Variants in SLC52A1 observed in about 807,000 individuals in gnomAD.
SLC52A1 encodes the protein solute carrier family 52 member 1.
Under a neutral mutation model 23.2 loss-of-function variants are expected in SLC52A1, and 20 were observed. The observed-to-expected ratio is 0.86, with a 90% CI of 0.61 to 1.25. The LOEUF is 1.25. SLC52A1 is among the 50% of genes most tolerant of loss of function. SLC52A1 has a pLI of 0.00. For synonymous variants in SLC52A1, 260 were observed against 256.6 expected (o/e 1.01, Z -0.13); for missense variants, 528 against 557.0 (o/e 0.95, Z 0.52).
chr17:5,040,727 A>G (rs1975532991), intron 1 of SLC52A1, among the ~76,000 whole-genome samples: 1 of 152,070 alleles, frequency 6.6e-6, no homozygotes, highest in Admixed American at 6.6e-5. Context: ...TTGTGGCCAC[A>G]CAGCCCTAAG....
Position 5,032,927 on chromosome 17 carries a change from G to T in SLC52A1, c.*30C>A, listed in dbSNP as rs1302857593. 3 of 1,586,234 alleles carry T rather than the reference G, an allele frequency of 1.9e-6. No homozygotes were observed. Among genetic ancestry groups the T allele is most frequent in the African/African-American group, 1.3e-5 (1 of 74,362 alleles). Reference sequence around the variant, plus strand: ...GGCAGCCTCACGATGAAGACAGGTGGGGTGGAGTTGGGTCCCCACCTGCCC... The same window carrying T: ...GGCAGCCTCACGATGAAGACAGGTGTGGTGGAGTTGGGTCCCCACCTGCCC... On this transcript the variant is annotated 3_prime_UTR_variant, in exon 5 of 5. Transcript: ENST00000254853.
At chr17:5,039,019 G>A (rs546665884), upstream of SLC52A1, among the ~76,000 whole-genome samples, 24 of 147,240 alleles carry the variant, frequency 1.6e-4, no homozygotes, top group Admixed American at 4.9e-4. Flanking sequence ...ACTGGAAACC[G>A]AGGCACATAA....
In SLC52A1 at chr17:5,034,410, G is replaced by A. The variant is rs1484861655; in HGVS notation, c.131-52C>T. ...AGGAGCACAGTGGCTAAGGGACAAAGAGCTGCCACAGGCCACCTTTCTGGG... is the reference window on the plus strand; with the variant it reads ...AGGAGCACAGTGGCTAAGGGACAAAAAGCTGCCACAGGCCACCTTTCTGGG... On this transcript the variant is annotated intron_variant, in intron 2 of 4. Transcript: ENST00000254853. The A allele has an allele frequency of 1.9e-6, 3 of 1,606,202 alleles. No individual in the cohort carries two copies. The African/African-American group carries it at 4.0e-5, about 21-fold the overall frequency.
Position 5,034,920 on chromosome 17 carries a change from G to A in SLC52A1, c.-167C>T. 1 of 287,504 alleles carries A rather than the reference G, an allele frequency of 3.5e-6. No homozygotes were observed. Among genetic ancestry groups the A allele is most frequent in the Admixed American group, 4.1e-5 (1 of 24,182 alleles). 17.8% of individuals were successfully genotyped at this position (287,504 alleles called of 1,614,324 possible). ...CCCAGCAGTGCCGGCAGGCAGACAGGCAGAAAGCTGGCCCGAGGTGCAGCT... is the reference window on the plus strand; with the variant it reads ...CCCAGCAGTGCCGGCAGGCAGACAGACAGAAAGCTGGCCCGAGGTGCAGCT... On this transcript the variant is annotated 5_prime_UTR_variant, in exon 1 of 5. Coordinates refer to ENST00000254853, the MANE Select transcript of SLC52A1 (RefSeq NM_017986.4).
At chr17:5,038,873 C>G (rs1249813918), upstream of SLC52A1, among the ~76,000 whole-genome samples, 1 of 151,976 alleles carries the variant, frequency 6.6e-6, no homozygotes, top group Non-Finnish European at 1.5e-5. Context: ...CAGGCGTGAG[C>G]CACCGCGCCT....
At chr17:5,035,592 G>A (rs571095494), upstream of SLC52A1, among the ~76,000 whole-genome samples, 8 of 152,334 alleles carry the variant, frequency 5.3e-5, no homozygotes, top group African/African-American at 1.7e-4. Flanking sequence ...GGCAGTCCCC[G>A]GACCCAGCGG....
intron 2 of SLC52A1, 33 bp from the exon 3 acceptor site, chr17:5,034,391 AC>A: frequency 6.3e-7 from 1 of 1,596,106 alleles, no homozygotes; most frequent in Non-Finnish European, 8.5e-7. Flanking sequence ...TGTCAGGAGC[AC>A]AGTGGCTAAG....
rs1240511463 is a variant in SLC52A1 at position 5,034,104 on chromosome 17, T to C, written c.385A>G (p.Asn129Asp). The stretch of plus-strand genomic sequence containing the variant: ...CTCAGGAAGGGCAGGAAAGTGACAT[T>C]AGAGGTACAACAGGCCATTGCCAAC... ...LVLAMACCTS[N>D]VTFLPFLSHL... Residue 129 changes from asparagine (N) to aspartate (D), a missense_variant, in exon 3 of 5, where the codon AAT becomes GAT. Coordinates refer to ENST00000254853, the MANE Select transcript of SLC52A1 (RefSeq NM_017986.4). 1.2e-6 allele frequency: 2 copies of C among 1,613,960 alleles called. No individual in the cohort carries two copies. Among genetic ancestry groups the C allele is most frequent in the South Asian group, 1.1e-5 (1 of 91,062 alleles).
At chr17:5,041,754 C>G (rs1160083225) in intron 1 of SLC52A1, among the ~76,000 whole-genome samples, 1 of 152,116 alleles carries the variant, frequency 6.6e-6, no homozygotes, top group African/African-American at 2.4e-5. Context: ...GCTGGGATTA[C>G]AGGTGTGAGC....
At chr17:5,041,162 T>C (rs977180728) in intron 1 of SLC52A1, among the ~76,000 whole-genome samples, 8 of 152,150 alleles carry the variant, frequency 5.3e-5, no homozygotes, top group African/African-American at 1.7e-4. Flanking sequence ...CATAGCTTGC[T>C]GTAGCCTTGA....
intron 1 of SLC52A1, among the ~76,000 whole-genome samples, chr17:5,042,000 T>G (rs1041257306): frequency 2.6e-5 from 4 of 152,112 alleles, no homozygotes; most frequent in African/African-American, 9.7e-5. Flanking sequence ...CCTCTCAAAG[T>G]GCTGGTATTA....
chr17:5,042,033 G>A (rs1234075004), intron 1 of SLC52A1, among the ~76,000 whole-genome samples: 1 of 152,158 alleles, frequency 6.6e-6, no homozygotes, highest in Non-Finnish European at 1.5e-5. Flanking sequence ...ACCATGCCCA[G>A]CCGTCCAACT....
At chr17:5,035,635 C>T (rs189295466), upstream of SLC52A1, among the ~76,000 whole-genome samples, 754 of 152,326 alleles carry the variant, frequency 4.9e-3, 7 homozygotes, top group African/African-American at 0.014. Context: ...GCCCCCTCCG[C>T]CGGGGAGGCG....
chr17:5,037,245 C>T (rs577946159), upstream of SLC52A1, among the ~76,000 whole-genome samples: 4 of 152,270 alleles, frequency 2.6e-5, no homozygotes, highest in South Asian at 2.1e-4. Context: ...GTAGGCCAGG[C>T]GTGGTGGCTC....
intron 4 of SLC52A1, 23 bp from the exon 5 acceptor site, chr17:5,033,192 A>T: frequency 6.2e-7 from 1 of 1,613,406 alleles, no homozygotes. Context: ...ACACAGCAGC[A>T]GGCTGAGCAT....
At position 5,033,959 on chromosome 17, in the gene SLC52A1, G is replaced by A. The variant is rs548366865; in HGVS notation, c.530C>T (p.Thr177Ile). The A allele has an allele frequency of 3.5e-5, 56 of 1,614,156 alleles. No individual in the cohort carries two copies. The African/African-American group carries it at 6.4e-4, about 18-fold the overall frequency. ...GAGGGGAGGCCCAGAGGTGCCATTG[G>A]TGGGCGCTGGTGGGCACTCGAGGCG... ...VGRLECPPAP[T>I]NGTSGPPLDF... is the part of the protein sequence containing the mutation. The change falls in exon 3 of 5, where the codon ACC becomes ATC. Residue 177 changes from threonine (T) to isoleucine (I), a missense_variant. Coordinates refer to ENST00000254853, the MANE Select transcript of SLC52A1 (RefSeq NM_017986.4).
chr17:5,034,291 G>C lies in SLC52A1; in HGVS notation c.198C>G (p.Thr66=), dbSNP rs781552117. The C allele has an allele frequency of 1.1e-5, 18 of 1,603,614 alleles. No homozygotes were observed. The highest frequency in any genetic ancestry group is 1.0e-4 in the South Asian group (9 of 89,722). Residue 66 remains threonine, a synonymous_variant, in exon 3 of 5, where the codon ACC becomes ACG. Transcript: ENST00000254853. The part of the protein sequence containing the change: ...ALGNLGLLVV[T]LWRQLAPGKG... The stretch of plus-strand genomic sequence containing the variant: ...TGCCCGGGGCCAGCTGCCTCCACAG[G>C]GTCACCACCAGCAGACCCAGGTTTC...
chr17:5,035,729 G>A (rs2034538547), upstream of SLC52A1, among the ~76,000 whole-genome samples: 1 of 150,054 alleles, frequency 6.7e-6, no homozygotes, highest in Non-Finnish European at 1.5e-5. Flanking sequence ...GTCTCACTCT[G>A]TCACCCAGGC....
upstream of SLC52A1, among the ~76,000 whole-genome samples, chr17:5,037,805 T>A (rs7208035): frequency 0.27 from 41,228 of 151,986 alleles, 6,704 homozygotes; most frequent in East Asian, 0.58. Context: ...TTATACCACA[T>A]AGGACGTGCT....
Sources: allele counts gnomAD v4.1 joint callset (sites outside exome capture counted in the v4.1 genomes callset), GRCh38; gene constraint gnomAD v4.1.1; transcripts MANE v1.5; gene names NCBI Gene and HGNC (gene_info 2026-07-23, HGNC 2026-07-21).